Variants in TAF4B observed in about 807,000 individuals in gnomAD.
The protein encoded by TAF4B is transcription initiation factor TFIID subunit 4B.
Under a neutral mutation model 86.4 loss-of-function variants are expected in TAF4B, and 38 were observed. The ratio of observed to expected loss-of-function variants is 0.44; its 90% CI spans 0.34 to 0.58. The LOEUF (loss-of-function observed/expected upper bound fraction) is 0.58. Ranked by LOEUF, TAF4B falls within the 20% of genes least tolerant of loss-of-function variation. The pLI is 0.02. For synonymous variants in TAF4B, 388 were observed against 391.2 expected, an observed-to-expected ratio of 0.99 and a Z score of 0.10; for missense variants, 988 against 1,027.6, an observed-to-expected ratio of 0.96 and a Z score of 0.53.
Position 26,391,626 on chromosome 18 carries a change from TGATCA to T in TAF4B, c.*1618_*1622del, listed in dbSNP as rs751510381. ...CATACTCATTTGTGTATAATCTTAC[TGATCA>T]GATGTTTAAAATTATTCCAAATACT... On this transcript the variant is annotated 3_prime_UTR_variant, in exon 15 of 15. Transcript: ENST00000269142. The T allele has an allele frequency of 2.0e-4, 30 of 152,372 alleles. No homozygotes were observed. Among genetic ancestry groups the T allele is most frequent in the Middle Eastern group, 3.4e-3 (1 of 294 alleles). The allele number at this position is 152,372 out of a possible 1,614,324, so 9.4% of individuals were successfully genotyped here.
At chr18:26,388,004 A>T (rs1205644307) in intron 14 of TAF4B, among the ~76,000 whole-genome samples, 1 of 152,192 alleles carries the variant, frequency 6.6e-6, no homozygotes, top group Non-Finnish European at 1.5e-5. Context: ...AAACCCAAAA[A>T]GGTGGAAGGA....
chr18:26,320,075 G>C (rs2056949047), intron 10 of TAF4B, among the ~76,000 whole-genome samples: 1 of 152,142 alleles, frequency 6.6e-6, no homozygotes, highest in African/African-American at 2.4e-5. Flanking sequence ...CAATGTATTT[G>C]AGTTATTGAC....
chr18:26,259,934 C>T (rs1598734496), intron 1 of TAF4B, among the ~76,000 whole-genome samples: 1 of 152,234 alleles, frequency 6.6e-6, no homozygotes, highest in East Asian at 1.9e-4. Context: ...TCCACATCCT[C>T]TCCAGCACCT....
At chr18:26,318,906 C>G (rs2056936382) in intron 10 of TAF4B, among the ~76,000 whole-genome samples, 1 of 152,156 alleles carries the variant, frequency 6.6e-6, no homozygotes, top group Non-Finnish European at 1.5e-5. Flanking sequence ...TTCAGAAGTT[C>G]TTCTTCAAAC....
intron 3 of TAF4B, among the ~76,000 whole-genome samples, chr18:26,272,198 G>A (rs536668480): frequency 3.9e-5 from 6 of 152,112 alleles, no homozygotes; most frequent in Non-Finnish European, 8.8e-5. Context: ...TTCCGGTTGC[G>A]TCTATCAAGA....
intron 14 of TAF4B, among the ~76,000 whole-genome samples, chr18:26,374,617 G>A (rs2057430278): frequency 6.6e-6 from 1 of 152,148 alleles, no homozygotes; most frequent in African/African-American, 2.4e-5. Context: ...TGGGAAAAGT[G>A]GTTGGTAACT....
chr18:26,297,780 G>A (rs1028057145), intron 9 of TAF4B, among the ~76,000 whole-genome samples: 4 of 152,146 alleles, frequency 2.6e-5, no homozygotes, highest in African/African-American at 9.7e-5. Flanking sequence ...TTTTGGCAAT[G>A]ATAAAGCTTG....
chr18:26,287,784 G>C (rs1163445567), intron 7 of TAF4B, among the ~76,000 whole-genome samples: 1 of 152,188 alleles, frequency 6.6e-6, no homozygotes, highest in Non-Finnish European at 1.5e-5. Context: ...AGGTATCTGA[G>C]TGATTGTCGT....
chr18:26,335,252 TG>T (rs1239132861), intron 13 of TAF4B, 21 bp downstream of exon 13: 1 of 1,583,534 alleles, frequency 6.3e-7, no homozygotes. Context: ...CAAGTTACCA[TG>T]CTTGTCTTTG....
chr18:26,390,593 T>A lies in TAF4B; in HGVS notation c.*581T>A, dbSNP rs1978649532. 1 of 152,266 alleles carries A rather than the reference T, an allele frequency of 6.6e-6. No individual in the cohort carries two copies. The highest frequency in any genetic ancestry group is 1.9e-4 in the East Asian group (1 of 5,206). The allele number at this position is 152,266 out of a possible 1,614,324, so 9.4% of individuals were successfully genotyped here. A position where few individuals can be genotyped will look rare whatever the true frequency, so the allele number is the denominator to read the frequency against. On this transcript the variant is annotated 3_prime_UTR_variant, in exon 15 of 15. Coordinates refer to ENST00000269142, the MANE Select transcript of TAF4B (RefSeq NM_005640.3). ...AGATTGTGCCTGGGGTTGCTAATTC[T>A]CTGCTTCATATCACCATATGCCGTT...
intron 9 of TAF4B, among the ~76,000 whole-genome samples, chr18:26,295,694 A>G (rs2056654419): frequency 1.3e-5 from 2 of 152,170 alleles, no homozygotes; most frequent in Admixed American, 1.3e-4. Flanking sequence ...ACTATTTTTC[A>G]GTGTCTTTTG....
chr18:26,276,012 T>C (rs1459095915), intron 5 of TAF4B, among the ~76,000 whole-genome samples: 1 of 122,204 alleles, frequency 8.2e-6, no homozygotes, highest in Non-Finnish European at 1.7e-5. Flanking sequence ...CAAGACTCTG[T>C]CTCAAAAAAA....
chr18:26,333,924 A>C (rs552241494), intron 12 of TAF4B, among the ~76,000 whole-genome samples: 1 of 152,304 alleles, frequency 6.6e-6, no homozygotes, highest in East Asian at 1.9e-4. Context: ...ATGGATGACC[A>C]ATAAATATTG....
chr18:26,230,979 C>T (rs1193523612), intron 1 of TAF4B, among the ~76,000 whole-genome samples: 2 of 145,950 alleles, frequency 1.4e-5, no homozygotes, highest in African/African-American at 5.0e-5. Context: ...GTGAAAATCA[C>T]TAAAATGTAA....
chr18:26,317,507 C>T (rs2056924143), intron 10 of TAF4B, among the ~76,000 whole-genome samples: 2 of 152,292 alleles, frequency 1.3e-5, no homozygotes, highest in South Asian at 2.1e-4. Flanking sequence ...TTGCTCAATT[C>T]GGCTGTCATA....
chr18:26,390,199 C>G lies in TAF4B; in HGVS notation c.*187C>G, dbSNP rs1009555915. 1 of 517,638 alleles carries G rather than the reference C, an allele frequency of 1.9e-6. No individual in the cohort carries two copies. The highest frequency in any genetic ancestry group is 1.9e-5 in the African/African-American group (1 of 51,288). The allele number at this position is 517,638 out of a possible 1,614,324, so 32.1% of individuals were successfully genotyped here. A position where few individuals can be genotyped will look rare whatever the true frequency, so the allele number is the denominator to read the frequency against. On this transcript the variant is annotated 3_prime_UTR_variant, in exon 15 of 15. Coordinates refer to ENST00000269142, the MANE Select transcript of TAF4B (RefSeq NM_005640.3). ...GGGACTCTTACAGACTCAGATTCAT[C>G]TTTGTCTTCTGAAAATCAGTTATGA...
In TAF4B at chr18:26,227,080, T is replaced by G. The variant is rs60311681; in HGVS notation, c.147T>G (p.Pro49=). The G allele has an allele frequency of 1.0e-5, 16 of 1,606,852 alleles. No individual in the cohort carries two copies. Among genetic ancestry groups the G allele is most frequent in the Non-Finnish European group, 1.4e-5 (16 of 1,177,972 alleles). ...PVALGAVTKA[P]VSVCVEPTAS... ...CCCTGGGCGCCGTGACTAAGGCTCC[T>G]GTCAGCGTCTGCGTGGAGCCCACGG... The change falls in exon 1 of 15, where the codon CCT becomes CCG. Residue 49 remains proline, a synonymous_variant. Transcript: ENST00000269142.
At position 26,226,996 on chromosome 18, in the gene TAF4B, G is replaced by T; in HGVS notation, c.63G>T (p.Gly21=). The T allele has an allele frequency of 7.0e-7, 1 of 1,434,624 alleles. No individual in the cohort carries two copies. The highest frequency in any genetic ancestry group is 1.4e-5 in the South Asian group (1 of 69,262). 88.9% of individuals were successfully genotyped at this position (1,434,624 alleles called of 1,614,324 possible). ...AAPPAAVSAS[G]TVTMAPAGAL... is the part of the protein sequence containing the mutation. Reference sequence around the variant, plus strand: ...CCCCGGCTGCTGTGAGCGCCTCGGGGACCGTGACCATGGCCCCGGCCGGGG... The same window carrying T: ...CCCCGGCTGCTGTGAGCGCCTCGGGTACCGTGACCATGGCCCCGGCCGGGG... Residue 21 remains glycine (G), a synonymous_variant, in exon 1 of 15, where the codon GGG becomes GGT. Transcript: ENST00000269142.
At chr18:26,236,414 C>A (rs1206038070) in intron 1 of TAF4B, among the ~76,000 whole-genome samples, 1 of 152,100 alleles carries the variant, frequency 6.6e-6, no homozygotes, top group Non-Finnish European at 1.5e-5. Flanking sequence ...GTTAAACTTA[C>A]CTGGGGCTCA....
Sources: gnomAD v4.1 joint callset for allele counts (sites outside exome capture counted in the v4.1 genomes callset) on GRCh38, gnomAD v4.1.1 for gene constraint, MANE v1.5 for transcripts, NCBI Gene and HGNC (gene_info 2026-07-23, HGNC 2026-07-21) for gene names.